Variants in APOB observed in about 807,000 individuals in gnomAD.
APOB encodes the protein apolipoprotein B-100.
A neutral mutation model predicts 314.1 loss-of-function variants in APOB; 153 were observed. That is an observed-to-expected ratio of 0.49 (90% CI 0.43 to 0.56). The LOEUF (loss-of-function observed/expected upper bound fraction) is 0.56, where lower values mean the gene tolerates loss of function less well. Among genes scored for constraint, APOB ranks in the 20% least tolerant of loss-of-function variants. APOB has a pLI of 0.00. For synonymous variants in APOB, 2,087 were observed against 2,036.4 expected (o/e 1.02, Z -0.67); for missense variants, 5,430 against 5,350.7 (o/e 1.01, Z -0.46).
Position 21,005,485 on chromosome 2 carries a change from C to T in APOB, c.11383G>A (p.Asp3795Asn), listed in dbSNP as rs759284932. ...GGTTGAGAATATTTTGTTAACACAT[C>T]AACTTCAGGGAATTTTACCTCGGGG... ...TLPEVKFPEV[D>N]VLTKYSQPED... is the part of the protein sequence containing the mutation. Residue 3795 changes from aspartate to asparagine, a missense_variant, in exon 26 of 29, where the codon GAT becomes AAT. Coordinates refer to ENST00000233242, the MANE Select transcript of APOB (RefSeq NM_000384.3). The T allele has an allele frequency of 1.5e-5, 25 of 1,613,930 alleles. No homozygotes were observed. The highest frequency in any genetic ancestry group is 2.0e-5 in the Non-Finnish European group (24 of 1,179,974).
At position 21,004,737 on chromosome 2, in the gene APOB, T is replaced by C. The variant is rs993262657; in HGVS notation, c.11789-62A>G. On this transcript the variant is annotated intron_variant, in intron 26 of 28. Transcript: ENST00000233242. Reference sequence around the variant, plus strand: ...AACAGTAGGACGTTGATGTTTTCATTGTGAAAACTGGGAGAATTCTATCCT... The same window carrying C: ...AACAGTAGGACGTTGATGTTTTCATCGTGAAAACTGGGAGAATTCTATCCT... The C allele has an allele frequency of 3.9e-6, 5 of 1,270,032 alleles. No homozygotes were observed. The African/African-American group carries it at 7.4e-5, about 19-fold the overall frequency. 78.7% of individuals were successfully genotyped at this position (1,270,032 alleles called of 1,614,324 possible). A position where few individuals can be genotyped will look rare whatever the true frequency, so the allele number is the denominator to read the frequency against.
intron 2 of APOB, among the ~76,000 whole-genome samples, chr2:21,042,886 C>T (rs1055303971): frequency 6.6e-6 from 1 of 151,716 alleles, no homozygotes. Context: ...AGGCAAAGTT[C>T]ATTAAGCATT....
rs1663116954 is a variant in APOB, at chr2:21,005,789, G to T, written c.11079C>A (p.Thr3693=). ...SLWDFLKLDV[T]TSIGRRQHLR... ...GATGCTGTCTCCTACCAATGCTGGT[G>T]GTTACATCCAGCTTTAGGAAATCCC... is the stretch of plus-strand genomic sequence containing the variant. Residue 3693 remains threonine, a synonymous_variant, in exon 26 of 29, where the codon ACC becomes ACA. Transcript: ENST00000233242. 3 of 1,614,006 alleles carry T rather than the reference G, an allele frequency of 1.9e-6. No homozygotes were observed. The South Asian group carries it at 3.3e-5, about 18-fold the overall frequency.
chr2:21,012,819 C>A (rs1425615534), intron 25 of APOB, among the ~76,000 whole-genome samples, 168 bp from the exon 26 acceptor site: 1 of 152,200 alleles, frequency 6.6e-6, no homozygotes, highest in Admixed American at 6.5e-5. Context: ...AGGCATTCCT[C>A]CAGGAAGCCT....
chr2:21,008,876 G>T lies in APOB; in HGVS notation c.7992C>A (p.Asp2664Glu), dbSNP rs761111995. ...TGATCTTTACTTTCATTTCTACAAA[G>T]TCAATTGTAAAGGAAGGAATGTGGA... Reference protein sequence around the residue: ...NTFHIPSFTIDFVEMKVKIIR... With the variant: ...NTFHIPSFTIEFVEMKVKIIR... The change falls in exon 26 of 29, where the codon GAC becomes GAA. Residue 2664 changes from aspartate (D) to glutamate (E), a missense_variant. By Grantham distance (45) the Asp-to-Glu change is conservative. Coordinates refer to ENST00000233242, the MANE Select transcript of APOB (RefSeq NM_000384.3). The T allele has an allele frequency of 8.1e-6, 13 of 1,613,918 alleles. No individual in the cohort carries two copies. In the South Asian group the frequency reaches 1.4e-4, roughly 18 times the overall value.
Position 21,007,229 on chromosome 2 carries a change from G to T in APOB, c.9639C>A (p.Asn3213Lys), listed in dbSNP as rs574725520. ...SFDRHFEKNR[N>K]NALDFVTKSY... is the part of the protein sequence containing the mutation. The stretch of plus-strand genomic sequence containing the variant: ...ATTTGGTGACAAAATCTAATGCATT[G>T]TTTCTGTTTTTTTCAAAATGCCTGT... The change falls in exon 26 of 29, where the codon AAC becomes AAA. Residue 3213 changes from asparagine to lysine, a missense_variant. Asn to Lys is a moderately conservative substitution (Grantham distance 94, BLOSUM62 0). Transcript: ENST00000233242. 216 of 1,613,324 alleles carry T rather than the reference G, an allele frequency of 1.3e-4. No individual in the cohort carries two copies. The South Asian group carries it at 2.3e-3, about 17-fold the overall frequency.
intron 27 of APOB, 23 bp from the exon 28 acceptor site, chr2:21,004,475 G>C: frequency 6.2e-7 from 1 of 1,613,864 alleles, no homozygotes; most frequent in Non-Finnish European, 8.5e-7. Context: ...AAACAGATGA[G>C]CTATCACGAA....
chr2:21,040,016 G>T (rs1177629414), intron 4 of APOB, among the ~76,000 whole-genome samples: 1 of 152,190 alleles, frequency 6.6e-6, no homozygotes, highest in Non-Finnish European at 1.5e-5. Flanking sequence ...CGTGTTGTGG[G>T]AGGGACCCGG....
chr2:21,041,650 G>A lies in APOB; in HGVS notation c.238-567C>T, dbSNP rs368192497. 7.5e-4 allele frequency among the ~76,000 whole-genome samples: 114 copies of A among 152,356 alleles called. 1 individual carries two copies. The highest frequency in any genetic ancestry group is 2.5e-3 in the African/African-American group (106 of 41,584). Reference sequence around the variant, plus strand: ...TGTTCAATATGGGAGCCAGTAGCCAGGGTGGCTGTTGAGCAGTTGAAATGC... The same window carrying A: ...TGTTCAATATGGGAGCCAGTAGCCAAGGTGGCTGTTGAGCAGTTGAAATGC... On this transcript the variant is annotated intron_variant, in intron 3 of 28. Coordinates refer to ENST00000233242, the MANE Select transcript of APOB (RefSeq NM_000384.3).
rs1427161140 is a variant in APOB at position 21,002,399 on chromosome 2, G to A, written c.13023C>T (p.Ile4341=). ...DEINTIFSDY[I]PYVFKLLKEN... The stretch of plus-strand genomic sequence containing the variant: ...CTTTCAACAATTTAAAAACATATGG[G>A]ATATAATCACTGAAGATTGTGTTGA... Residue 4341 remains isoleucine, a synonymous_variant, in exon 29 of 29, where the codon ATC becomes ATT. Transcript: ENST00000233242. The A allele has an allele frequency of 5.6e-6, 9 of 1,602,076 alleles. No individual in the cohort carries two copies. Among genetic ancestry groups the A allele is most frequent in the East Asian group, 2.2e-5 (1 of 44,744 alleles).
intron 26 of APOB, 136 bp downstream of exon 26, chr2:21,004,944 T>G: frequency 8.3e-7 from 1 of 1,205,096 alleles, no homozygotes; most frequent in Non-Finnish European, 1.2e-6. Flanking sequence ...AGGGTATACA[T>G]GTATCTCTTT....
At chr2:21,027,375 A>G (rs1663757387) in intron 14 of APOB, among the ~76,000 whole-genome samples, 1 of 139,768 alleles carries the variant, frequency 7.2e-6, no homozygotes, top group Non-Finnish European at 1.5e-5. Context: ...GCAGTGGCGC[A>G]ATCTCTCGGC....
chr2:21,037,413 T>A (rs1220234603), intron 5 of APOB, among the ~76,000 whole-genome samples, 158 bp from the exon 6 acceptor site: 2 of 152,138 alleles, frequency 1.3e-5, no homozygotes, highest in Admixed American at 1.3e-4. Flanking sequence ...GTCTTGCTAG[T>A]GCCTGGCCAG....
Position 21,002,664 on chromosome 2 carries a change from A to G in APOB, c.12758T>C (p.Leu4253Pro), listed in dbSNP as rs780569169. The G allele has an allele frequency of 7.4e-6, 12 of 1,613,928 alleles. No homozygotes were observed. The Admixed American group carries it at 2.0e-4, about 27-fold the overall frequency. Reference protein sequence around the residue: ...FSYFQDLVITLPFELRKHKLI... With the variant: ...FSYFQDLVITPPFELRKHKLI... ...TTTATGTTTCCTTAACTCGAAAGGA[A>G]GTGTAATCACTAGGTCTTGGAAATA... The change falls in exon 29 of 29, where the codon CTT (leucine) becomes CCT (proline). Residue 4253 changes from leucine (L) to proline (P), a missense_variant. By Grantham distance (98) the Leu-to-Pro change is moderately conservative. Transcript: ENST00000233242.
intron 18 of APOB, among the ~76,000 whole-genome samples, chr2:21,022,464 A>G (rs570914540): frequency 5.3e-5 from 8 of 152,054 alleles, no homozygotes; most frequent in South Asian, 2.1e-4. Context: ...TTTGGGGGGG[A>G]AAATATTAAT....
At chr2:21,034,230 G>A (rs911228562) in intron 8 of APOB, among the ~76,000 whole-genome samples, 5 of 152,120 alleles carry the variant, frequency 3.3e-5, no homozygotes, top group African/African-American at 1.2e-4. Context: ...AATATTCTGC[G>A]GCCTTGACTA....
At chr2:21,041,369 A>T (rs1418022698) in intron 3 of APOB, among the ~76,000 whole-genome samples, 1 of 152,194 alleles carries the variant, frequency 6.6e-6, no homozygotes, top group Non-Finnish European at 1.5e-5. Flanking sequence ...TTCTAAAGTT[A>T]CTCACTTTAA....
chr2:21,019,367 C>G (rs1183087124), intron 19 of APOB, among the ~76,000 whole-genome samples: 1 of 152,042 alleles, frequency 6.6e-6, no homozygotes, highest in East Asian at 1.9e-4. Context: ...AAGCTGAGAA[C>G]AAGCACTGGA....
intron 9 of APOB, 33 bp from the exon 10 acceptor site, chr2:21,032,614 A>T: frequency 6.5e-7 from 1 of 1,550,228 alleles, no homozygotes; most frequent in Non-Finnish European, 8.9e-7. Flanking sequence ...AGTTATACAG[A>T]CCACCTTCAG....
Sources: gnomAD v4.1 joint callset for allele counts (sites outside exome capture counted in the v4.1 genomes callset) on GRCh38, gnomAD v4.1.1 for gene constraint, MANE v1.5 for transcripts, NCBI Gene and HGNC (gene_info 2026-07-23, HGNC 2026-07-21) for gene names.